The following GNA14 variants were observed in gnomAD, a reference collection of about 807,000 sequenced individuals.
GNA14 encodes guanine nucleotide-binding protein subunit alpha-14.
In GNA14, 50 loss-of-function variants were observed where a neutral mutation model predicts 42.0. The observed-to-expected ratio is 1.19, with a 90% CI of 0.95 to 1.51. The LOEUF (loss-of-function observed/expected upper bound fraction) is 1.51. Ranked by LOEUF, GNA14 falls within the 40% of genes most tolerant of loss-of-function variation. GNA14 has a pLI of 0.00. For synonymous variants in GNA14, 173 were observed against 163.1 expected, an observed-to-expected ratio of 1.06 and a Z score of -0.46; for missense variants, 473 against 446.2, an observed-to-expected ratio of 1.06 and a Z score of -0.54.
At chr9:77,456,255 C>A (rs1244846975) in intron 2 of GNA14, 1 of 152,166 alleles carries the variant, frequency 6.6e-6, no homozygotes, top group African/African-American at 2.4e-5. Context: ...GGCTGTTAAC[C>A]ATCACACCCT....
At chr9:77,528,272 C>G (rs1015650786) in intron 2 of GNA14, among the ~76,000 whole-genome samples, 10 of 152,118 alleles carry the variant, frequency 6.6e-5, no homozygotes, top group Non-Finnish European at 1.5e-4. Flanking sequence ...AGAGACCCAT[C>G]TGACACAGAA....
intron 1 of GNA14, among the ~76,000 whole-genome samples, chr9:77,569,631 A>C (rs1823029083): frequency 6.6e-6 from 1 of 152,136 alleles, no homozygotes; most frequent in Non-Finnish European, 1.5e-5. Context: ...AAGAAGAAAG[A>C]GCCCAGGCTA....
At chr9:77,590,206 C>T (rs905775325) in intron 1 of GNA14, among the ~76,000 whole-genome samples, 12 of 152,152 alleles carry the variant, frequency 7.9e-5, no homozygotes, top group Admixed American at 3.3e-4. Flanking sequence ...CATGAGCCAC[C>T]GCACCCGGCC....
intron 1 of GNA14, among the ~76,000 whole-genome samples, chr9:77,600,897 C>T (rs1172509786): frequency 6.6e-6 from 1 of 152,194 alleles, no homozygotes; most frequent in East Asian, 1.9e-4. Context: ...CCAGCCCAGG[C>T]AACAACAGTG....
At chr9:77,491,564 ATAAT>A (rs1289109712) in intron 2 of GNA14, among the ~76,000 whole-genome samples, 4 of 152,132 alleles carry the variant, frequency 2.6e-5, no homozygotes, top group Non-Finnish European at 4.4e-5. Flanking sequence ...AAAGAGACAA[ATAAT>A]TAATTACATA....
intron 2 of GNA14, among the ~76,000 whole-genome samples, chr9:77,508,926 T>C (rs903960643): frequency 7.2e-5 from 11 of 152,134 alleles, no homozygotes; most frequent in Non-Finnish European, 1.5e-4. Flanking sequence ...AAGAACTTAG[T>C]GAGGGTATTT....
chr9:77,488,783 T>TCAAA (rs1836703130), intron 2 of GNA14, among the ~76,000 whole-genome samples: 1 of 41,862 alleles, frequency 2.4e-5, no homozygotes, highest in Non-Finnish European at 4.1e-5. Context: ...ACACACCTAA[T>TCAAA]TAAAAAAAAA....
chr9:77,615,300 C>CT lies in GNA14; in HGVS notation c.124+32369dup, dbSNP rs139522473. ...CAAATTGGGGTTTCAGGAGACAATG[C>CT]TTTTTTTTTTAGCCACTAAAGGTAA... On this transcript the variant is annotated intron_variant, in intron 1 of 6. Coordinates refer to ENST00000341700, the MANE Select transcript of GNA14 (RefSeq NM_004297.4). Among the ~76,000 whole-genome samples the CT allele has an allele frequency of 2.1e-3, 304 of 147,842 alleles. 2 individuals are homozygous for CT. Among genetic ancestry groups the CT allele is most frequent in the South Asian group, 6.7e-3 (31 of 4,604 alleles).
rs79934110 is a variant in GNA14 at position 77,453,882 on chromosome 9, A to G, written c.310-19360T>C. ...CTACTTGCCAAATACATATAGTTCAATGGCAACTGGGGATCCATTTTCTCA... is the reference window on the plus strand; with the variant it reads ...CTACTTGCCAAATACATATAGTTCAGTGGCAACTGGGGATCCATTTTCTCA... On this transcript the variant is annotated intron_variant, in intron 2 of 6. Transcript: ENST00000341700. Among the ~76,000 whole-genome samples the G allele has an allele frequency of 7.9e-3, 1,203 of 152,332 alleles. 18 individuals are homozygous for G. Among genetic ancestry groups the G allele is most frequent in the African/African-American group, 0.026 (1,098 of 41,582 alleles).
chr9:77,478,213 T>C (rs1213900151), intron 2 of GNA14, among the ~76,000 whole-genome samples: 1 of 150,110 alleles, frequency 6.7e-6, no homozygotes, highest in Non-Finnish European at 1.5e-5. Context: ...GAGTGTGATG[T>C]TCCCCTTCCT....
intron 2 of GNA14, among the ~76,000 whole-genome samples, chr9:77,445,765 A>C (rs1027068914): frequency 5.3e-5 from 8 of 151,996 alleles, no homozygotes; most frequent in African/African-American, 1.9e-4. Flanking sequence ...TGTTTGGGCC[A>C]GTTAATTGTA....
At chr9:77,503,201 C>A (rs1359042028) in intron 2 of GNA14, among the ~76,000 whole-genome samples, 1 of 152,130 alleles carries the variant, frequency 6.6e-6, no homozygotes, top group Non-Finnish European at 1.5e-5. Context: ...ATGGGGGTTC[C>A]CATATCTTTT....
chr9:77,556,275 G>A (rs980427390), intron 1 of GNA14, among the ~76,000 whole-genome samples: 3 of 152,046 alleles, frequency 2.0e-5, no homozygotes, highest in South Asian at 2.1e-4. Flanking sequence ...CATAAAATGC[G>A]TTCACAGTTG....
intron 1 of GNA14, among the ~76,000 whole-genome samples, chr9:77,641,060 AGGAGGGGAGGGGAGG>A (rs1204505234): frequency 2.6e-5 from 2 of 76,648 alleles, no homozygotes; most frequent in Non-Finnish European, 4.7e-5. Context: ...GAAGGAAGGA[AGGAGGGGAGGGGAGG>A]GGAGGGGAGG....
In GNA14 at chr9:77,431,317, T is replaced by TG. The variant is rs1835548358; in HGVS notation, c.593+3_593+4insC. On this transcript the variant is annotated splice_donor_region_variant and intron_variant, in intron 4 of 6. Coordinates refer to ENST00000341700, the MANE Select transcript of GNA14 (RefSeq NM_004297.4). ...TTCATGGTACATCAGGGAGACAGAC[T>TG]TACCGAAAGATGATGTTTTCCAAGT... 6.2e-6 allele frequency: 10 copies of TG among 1,613,164 alleles called. No homozygotes were observed. Among genetic ancestry groups the TG allele is most frequent in the Non-Finnish European group, 8.5e-6 (10 of 1,179,326 alleles).
chr9:77,465,084 T>C (rs1050301583), intron 2 of GNA14, among the ~76,000 whole-genome samples: 2 of 152,362 alleles, frequency 1.3e-5, no homozygotes, highest in African/African-American at 4.8e-5. Context: ...TTTGGACTTC[T>C]AGCTTCCAGA....
intron 6 of GNA14, among the ~76,000 whole-genome samples, chr9:77,424,960 GA>G (rs1835432193): frequency 6.6e-6 from 1 of 152,270 alleles, no homozygotes; most frequent in African/African-American, 2.4e-5. Context: ...TCCTGTACCA[GA>G]AACAATTAGC....
intron 2 of GNA14, among the ~76,000 whole-genome samples, chr9:77,479,199 A>G (rs1291674492): frequency 6.6e-6 from 1 of 152,170 alleles, no homozygotes; most frequent in Admixed American, 6.5e-5. Context: ...TAATTTTTGT[A>G]TAAGGTGTAA....
intron 2 of GNA14, among the ~76,000 whole-genome samples, chr9:77,484,136 G>C (rs1836614389): frequency 5.3e-5 from 8 of 152,168 alleles, no homozygotes; most frequent in Admixed American, 5.2e-4. Flanking sequence ...CTGGAACACA[G>C]TAAAGAGGTA....
Sources: gnomAD v4.1 joint callset for allele counts (sites outside exome capture counted in the v4.1 genomes callset) on GRCh38, gnomAD v4.1.1 for gene constraint, MANE v1.5 for transcripts, NCBI Gene and HGNC (gene_info 2026-07-23, HGNC 2026-07-21) for gene names.